The following ZNF385D variants were observed in gnomAD, a reference collection of about 807,000 sequenced individuals.
ZNF385D encodes zinc finger protein 385D, also known as zinc finger protein 659.
A neutral mutation model predicts 35.8 loss-of-function variants in ZNF385D; 15 were observed. That is an observed-to-expected ratio of 0.42 (90% CI 0.28 to 0.64). The LOEUF (loss-of-function observed/expected upper bound fraction) is 0.64, where lower values mean the gene tolerates loss of function less well. ZNF385D is among the 30% of genes least tolerant of loss of function. ZNF385D has a pLI of 0.23. For missense variants in ZNF385D, 474 were observed against 494.6 expected (o/e 0.96, Z 0.39); for synonymous variants, 212 against 186.8 (o/e 1.13, Z -1.10).
At chr3:22,336,116 A>G (rs948933106) in intron 2 of ZNF385D, among the ~76,000 whole-genome samples, 4 of 152,140 alleles carry the variant, frequency 2.6e-5, no homozygotes, top group African/African-American at 9.6e-5. Flanking sequence ...CCTTACCTCC[A>G]GAGAAACCCA....
chr3:22,232,250 A>C (rs150903298), intron 2 of ZNF385D, among the ~76,000 whole-genome samples: 1 of 151,494 alleles, frequency 6.6e-6, no homozygotes, highest in Non-Finnish European at 1.5e-5. Flanking sequence ...ATAACTAAAA[A>C]TTTTTCTGAG....
chr3:21,755,552 C>G, upstream of ZNF385D, among the ~76,000 whole-genome samples: 1 of 152,258 alleles, frequency 6.6e-6, no homozygotes. Context: ...AATATTATGT[C>G]TTCTGAGAAC....
At chr3:21,869,715 A>T (rs576959599) in intron 3 of ZNF385D, among the ~76,000 whole-genome samples, 45 of 152,262 alleles carry the variant, frequency 3.0e-4, no homozygotes, top group African/African-American at 1.0e-3. Context: ...TATTTTATGA[A>T]CTGTATTAAT....
intron 2 of ZNF385D, among the ~76,000 whole-genome samples, chr3:22,357,219 G>A (rs1471177989): frequency 6.6e-6 from 1 of 151,894 alleles, no homozygotes; most frequent in Admixed American, 6.6e-5. Context: ...TTGTTTTTAA[G>A]TTTCAGGAAG....
intron 3 of ZNF385D, among the ~76,000 whole-genome samples, chr3:21,897,815 T>C (rs928589936): frequency 2.6e-5 from 4 of 152,156 alleles, no homozygotes; most frequent in Admixed American, 2.0e-4. Context: ...GTGATCACCA[T>C]ATTAATTTAA....
chr3:21,741,109 AC>A (rs2069494270), intron 1 of ZNF385D, among the ~76,000 whole-genome samples: 1 of 152,060 alleles, frequency 6.6e-6, no homozygotes, highest in African/African-American at 2.4e-5. Context: ...TGGCCACATC[AC>A]CTGTTATCAC....
At chr3:22,117,339 G>A (rs1702864606) in intron 3 of ZNF385D, among the ~76,000 whole-genome samples, 1 of 152,132 alleles carries the variant, frequency 6.6e-6, no homozygotes, top group African/African-American at 2.4e-5. Context: ...TGCAAAATGG[G>A]TTCTCTGAAA....
At chr3:21,581,734 A>C (rs1398301331) in intron 2 of ZNF385D, among the ~76,000 whole-genome samples, 1 of 152,188 alleles carries the variant, frequency 6.6e-6, no homozygotes, top group East Asian at 1.9e-4. Flanking sequence ...TAAAAACTGC[A>C]TGTTTATAAA....
At chr3:22,344,086 T>C (rs77124365) in intron 2 of ZNF385D, among the ~76,000 whole-genome samples, 2,011 of 152,162 alleles carry the variant, frequency 0.013, 19 homozygotes, top group Middle Eastern at 0.034. Flanking sequence ...ATATATTGTA[T>C]ATCAGTCCTG....
chr3:22,124,583 C>A (rs1703317885), intron 3 of ZNF385D, among the ~76,000 whole-genome samples: 1 of 152,122 alleles, frequency 6.6e-6, no homozygotes, highest in African/African-American at 2.4e-5. Flanking sequence ...CGCCAGAATT[C>A]ATTATTGCTC....
intron 2 of ZNF385D, among the ~76,000 whole-genome samples, chr3:22,177,029 T>C (rs558252988): frequency 3.8e-4 from 58 of 152,310 alleles, no homozygotes; most frequent in African/African-American, 1.3e-3. Context: ...AATCTTTTCC[T>C]GTATTCTGAC....
intron 3 of ZNF385D, among the ~76,000 whole-genome samples, chr3:21,555,857 C>T (rs1313935369): frequency 6.6e-6 from 1 of 152,166 alleles, no homozygotes; most frequent in African/African-American, 2.4e-5. Context: ...TATTTCTCTA[C>T]ATCCTCTTCA....
At chr3:21,846,845 T>C (rs1253524363) in intron 3 of ZNF385D, among the ~76,000 whole-genome samples, 2 of 152,014 alleles carry the variant, frequency 1.3e-5, no homozygotes, top group Non-Finnish European at 2.9e-5. Context: ...TGCAGACACT[T>C]GGAACCTTGC....
chr3:22,049,104 C>A (rs1285212512), intron 3 of ZNF385D, among the ~76,000 whole-genome samples: 1 of 151,846 alleles, frequency 6.6e-6, no homozygotes, highest in African/African-American at 2.4e-5. Context: ...TGAGACCACC[C>A]TGACCAACAT....
chr3:22,101,335 C>T (rs999335368), intron 3 of ZNF385D, among the ~76,000 whole-genome samples: 3 of 151,904 alleles, frequency 2.0e-5, no homozygotes, highest in African/African-American at 7.2e-5. Context: ...GGTATAGATA[C>T]ACATACATAA....
chr3:21,466,494 A>G (rs1022483657), intron 4 of ZNF385D, among the ~76,000 whole-genome samples: 1 of 152,146 alleles, frequency 6.6e-6, no homozygotes, highest in African/African-American at 2.4e-5. Flanking sequence ...ATACCCTACA[A>G]TGGGCTAGAA....
intron 3 of ZNF385D, among the ~76,000 whole-genome samples, chr3:21,787,471 C>G (rs966273516): frequency 6.6e-6 from 1 of 152,072 alleles, no homozygotes. Flanking sequence ...ACTCCTTATC[C>G]AGATGCTAAT....
rs1157567803 is a variant in ZNF385D at position 21,889,593 on chromosome 3, G to GA, written c.326-224566dup. ...CTTTATTGCCCCTTAACTTTCTTCA[G>GA]AAAAAAAACTGGGGAGAGAAATTCC... On this transcript the variant is annotated intron_variant, in intron 3 of 5. Coordinates refer to the ZNF385D transcript ENST00000494108. 2.0e-5 allele frequency among the ~76,000 whole-genome samples: 3 copies of GA among 151,836 alleles called. No homozygotes were observed. In the East Asian group the frequency reaches 5.8e-4, roughly 29 times the overall value.
intron 2 of ZNF385D, among the ~76,000 whole-genome samples, chr3:21,615,851 C>T (rs2064832281): frequency 7.0e-6 from 1 of 142,806 alleles, no homozygotes. Context: ...GCAAAGACCC[C>T]ATTATTCAGT....
Sources: gnomAD v4.1 joint callset for allele counts (sites outside exome capture counted in the v4.1 genomes callset) on GRCh38, gnomAD v4.1.1 for gene constraint, MANE v1.5 for transcripts, NCBI Gene and HGNC (gene_info 2026-07-23, HGNC 2026-07-21) for gene names.